Variants in EYS observed in about 807,000 individuals in gnomAD.
EYS encodes protein eyes shut homolog.
EYS carries 250 observed loss-of-function variants against 282.1 expected under a neutral mutation model. The ratio of observed to expected loss-of-function variants is 0.89; its 90% CI spans 0.80 to 0.98. EYS has a LOEUF of 0.98. Ranked by LOEUF, EYS falls within the 50% of genes least tolerant of loss-of-function variation. EYS has a pLI of 0.00. For missense variants in EYS, 4,016 were observed against 3,709.0 expected, an observed-to-expected ratio of 1.08 and a Z score of -2.15; for synonymous variants, 1,355 against 1,282.9, an observed-to-expected ratio of 1.06 and a Z score of -1.20.
rs558136392 is a variant in EYS, at chr6:65,530,181, G to C, written c.-332-34188C>G. 2.0e-5 allele frequency among the ~76,000 whole-genome samples: 3 copies of C among 152,232 alleles called. No individual in the cohort carries two copies. In the East Asian group the frequency reaches 5.8e-4, roughly 29 times the overall value. On this transcript the variant is annotated intron_variant, in intron 2 of 42. Transcript: ENST00000503581. ...ATAATCAACAGTGAGCTTACCATTT[G>C]TCAGTCAGTAATTTAAATGGGAAGA...
At chr6:64,967,242 C>CTTATT (rs1770126407) in intron 14 of EYS, among the ~76,000 whole-genome samples, 2 of 152,038 alleles carry the variant, frequency 1.3e-5, no homozygotes, top group Admixed American at 1.3e-4. Context: ...CTTAGAAAGA[C>CTTATT]TCTGCTTATT....
At chr6:64,919,359 A>G (rs940245075) in intron 15 of EYS, among the ~76,000 whole-genome samples, 6 of 150,672 alleles carry the variant, frequency 4.0e-5, no homozygotes, top group African/African-American at 1.2e-4. Context: ...TAGTAGAAAC[A>G]GGGTTTCACC....
intron 36 of EYS, among the ~76,000 whole-genome samples, chr6:63,834,061 A>C (rs1166350643): frequency 1.3e-5 from 2 of 152,234 alleles, no homozygotes; most frequent in Admixed American, 1.3e-4. Context: ...AAATTAATTC[A>C]AGATGGATTA....
intron 29 of EYS, among the ~76,000 whole-genome samples, chr6:64,350,719 T>C (rs1432388007): frequency 6.6e-6 from 1 of 151,656 alleles, no homozygotes; most frequent in Non-Finnish European, 1.5e-5. Context: ...CACATTTGTC[T>C]GTATACAAGT....
At chr6:65,275,681 G>C (rs544747277) in intron 12 of EYS, among the ~76,000 whole-genome samples, 1 of 152,260 alleles carries the variant, frequency 6.6e-6, no homozygotes, top group Non-Finnish European at 1.5e-5. Flanking sequence ...TTGACTGGAT[G>C]ATCTCAGACT....
intron 12 of EYS, among the ~76,000 whole-genome samples, chr6:65,127,518 T>C (rs183978368): frequency 6.6e-6 from 1 of 152,168 alleles, no homozygotes; most frequent in Admixed American, 6.5e-5. Flanking sequence ...GCAATGGTTT[T>C]AATATAACCA....
intron 27 of EYS, among the ~76,000 whole-genome samples, chr6:64,436,467 T>C (rs1201053808): frequency 1.3e-5 from 2 of 151,780 alleles, no homozygotes; most frequent in Non-Finnish European, 3.0e-5. Context: ...ATGAGTATTA[T>C]ATAGATATAA....
intron 35 of EYS, among the ~76,000 whole-genome samples, chr6:63,976,367 C>T (rs893806357): frequency 6.6e-6 from 1 of 152,060 alleles, no homozygotes; most frequent in Non-Finnish European, 1.5e-5. Context: ...TGTGAGACCA[C>T]CATCATCTGT....
At chr6:65,290,893 T>C (rs953275895) in intron 12 of EYS, among the ~76,000 whole-genome samples, 9 of 151,344 alleles carry the variant, frequency 5.9e-5, no homozygotes, top group Non-Finnish European at 3.0e-5. Flanking sequence ...GCCATCACCA[T>C]GTTTAATGAT....
intron 30 of EYS, among the ~76,000 whole-genome samples, chr6:64,288,667 A>G (rs1192242340): frequency 6.6e-6 from 1 of 152,088 alleles, no homozygotes; most frequent in Non-Finnish European, 1.5e-5. Context: ...CTTGTGCTCC[A>G]CATGATTGCA....
chr6:63,769,999 A>G (rs1445945889), intron 40 of EYS, among the ~76,000 whole-genome samples: 1 of 152,074 alleles, frequency 6.6e-6, no homozygotes, highest in Non-Finnish European at 1.5e-5. Context: ...CAAGGTGAGT[A>G]CAAAATAGAA....
chr6:64,248,808 A>C (rs1767105365), intron 30 of EYS, among the ~76,000 whole-genome samples: 1 of 152,136 alleles, frequency 6.6e-6, no homozygotes, highest in South Asian at 2.1e-4. Context: ...TAATCCCAGC[A>C]CTTTGGGGGA....
At chr6:64,725,893 C>A (rs1771737093) in intron 22 of EYS, among the ~76,000 whole-genome samples, 1 of 152,096 alleles carries the variant, frequency 6.6e-6, no homozygotes, top group African/African-American at 2.4e-5. Flanking sequence ...AATCATGTAG[C>A]TACATTGCTG....
chr6:65,573,540 C>G (rs997332355), intron 2 of EYS, among the ~76,000 whole-genome samples: 2 of 152,126 alleles, frequency 1.3e-5, no homozygotes, highest in Non-Finnish European at 2.9e-5. Flanking sequence ...AAAAGAACTG[C>G]CACAGATACA....
chr6:64,602,289 T>C (rs561989960), intron 24 of EYS, among the ~76,000 whole-genome samples: 3 of 152,142 alleles, frequency 2.0e-5, no homozygotes, highest in African/African-American at 4.8e-5. Flanking sequence ...CTCTATAAAT[T>C]AGGTTAAAGA....
At chr6:63,832,651 G>C (rs1771677129) in intron 36 of EYS, among the ~76,000 whole-genome samples, 1 of 152,108 alleles carries the variant, frequency 6.6e-6, no homozygotes, top group South Asian at 2.1e-4. Context: ...AGAGGAGCTG[G>C]TACCATTCCT....
intron 31 of EYS, among the ~76,000 whole-genome samples, chr6:64,225,298 C>G (rs1215730920): frequency 6.6e-6 from 1 of 151,998 alleles, no homozygotes; most frequent in East Asian, 1.9e-4. Context: ...GAATAATGGC[C>G]TCCTGAAGAT....
intron 26 of EYS, among the ~76,000 whole-genome samples, chr6:64,561,128 C>T (rs989262894): frequency 9.2e-5 from 14 of 151,948 alleles, no homozygotes; most frequent in Non-Finnish European, 2.1e-4. Flanking sequence ...TCCAACATCC[C>T]TAAATGTTAA....
intron 22 of EYS, among the ~76,000 whole-genome samples, chr6:64,811,081 A>T (rs2150014511): frequency 6.6e-6 from 1 of 152,164 alleles, no homozygotes; most frequent in East Asian, 1.9e-4. Context: ...CAAATCTCAT[A>T]ATTTGACTTG....
Sources: allele counts gnomAD v4.1 joint callset (sites outside exome capture counted in the v4.1 genomes callset), GRCh38; gene constraint gnomAD v4.1.1; transcripts MANE v1.5; gene names NCBI Gene and HGNC (gene_info 2026-07-23, HGNC 2026-07-21).